PCDH7: variants seen among roughly 807,000 people sequenced by gnomAD.
PCDH7 encodes protocadherin 7, also known as protocadherin-7.
In PCDH7, 17 loss-of-function variants were observed where a neutral mutation model predicts 58.9. That is an observed-to-expected ratio of 0.29 (90% CI 0.20 to 0.43). PCDH7 has a LOEUF of 0.43. Among genes scored for constraint, PCDH7 ranks in the 20% least tolerant of loss-of-function variants. The probability of loss-of-function intolerance (pLI) is 1.00; values close to 1 mark genes in which losing one functional copy is unlikely to be tolerated. For missense variants in PCDH7, 1,274 were observed against 1,441.0 expected (o/e 0.88, Z 1.88); for synonymous variants, 664 against 616.4 (o/e 1.08, Z -1.14).
At chr4:30,807,253 T>G (rs2109310626) in intron 1 of PCDH7, among the ~76,000 whole-genome samples, 1 of 152,350 alleles carries the variant, frequency 6.6e-6, no homozygotes, top group South Asian at 2.1e-4. Flanking sequence ...GGTTAATATA[T>G]CAGAAGATTC....
Position 30,721,443 on chromosome 4 carries a change from G to T in PCDH7, c.21G>T (p.Ala7=). The change falls in exon 1 of 2, where the codon GCG becomes GCT. Residue 7 remains alanine, a synonymous_variant. Transcript: ENST00000361762. This position sits in a 1 kb window ranked among gnomAD's most constrained non-coding sequence, Gnocchi z 6.7. ...AGAAGATGCTGAGGATGCGGACCGC[G>T]GGATGGGCGCGCGGCTGGTGCTTGG... 6.5e-7 allele frequency: 1 copy of T among 1,533,946 alleles called. No homozygotes were observed. Among genetic ancestry groups the T allele is most frequent in the Non-Finnish European group, 8.7e-7 (1 of 1,143,976 alleles).
chr4:31,066,320 A>G (rs1177652993), intron 3 of PCDH7, among the ~76,000 whole-genome samples: 1 of 151,996 alleles, frequency 6.6e-6, no homozygotes, highest in East Asian at 1.9e-4. Flanking sequence ...TAATATGAGG[A>G]GTCTTATAAT....
intron 2 of PCDH7, among the ~76,000 whole-genome samples, chr4:30,930,600 G>C (rs1433498687): frequency 6.6e-6 from 1 of 152,126 alleles, no homozygotes; most frequent in Non-Finnish European, 1.5e-5. Flanking sequence ...GAATAAGGGA[G>C]AAGTAAGTTT....
At chr4:30,938,461 C>T (rs1745616581) in intron 2 of PCDH7, among the ~76,000 whole-genome samples, 1 of 147,722 alleles carries the variant, frequency 6.8e-6, no homozygotes, top group Non-Finnish European at 1.5e-5. Context: ...TGAACTGGCA[C>T]TGCTCACTGG....
At chr4:30,944,947 CAATT>C (rs1158072079) in intron 2 of PCDH7, among the ~76,000 whole-genome samples, 1 of 151,942 alleles carries the variant, frequency 6.6e-6, no homozygotes, top group African/African-American at 2.4e-5. Context: ...AATTTGAAAT[CAATT>C]AAGCAAAATA....
intron 2 of PCDH7, among the ~76,000 whole-genome samples, chr4:30,939,313 T>C (rs1252280531): frequency 6.6e-6 from 1 of 152,140 alleles, no homozygotes; most frequent in Non-Finnish European, 1.5e-5. Flanking sequence ...GCACTTTCTC[T>C]CAGCACTGGA....
intron 1 of PCDH7, among the ~76,000 whole-genome samples, chr4:30,832,972 G>C (rs1288439574): frequency 2.0e-5 from 3 of 152,182 alleles, no homozygotes; most frequent in African/African-American, 7.2e-5. Context: ...GTAGCAGAAA[G>C]GTGGAAGCCT....
chr4:30,994,856 T>C (rs1051308824), intron 3 of PCDH7, among the ~76,000 whole-genome samples: 1 of 152,162 alleles, frequency 6.6e-6, no homozygotes, highest in Non-Finnish European at 1.5e-5. Context: ...CTATATAAAA[T>C]CTGGGCTGTT....
chr4:30,799,727 T>A (rs1019849714), intron 1 of PCDH7, among the ~76,000 whole-genome samples: 1 of 152,216 alleles, frequency 6.6e-6, no homozygotes, highest in African/African-American at 2.4e-5. Context: ...GTTTTCTTTT[T>A]AAAATTCACT....
Position 30,738,501 on chromosome 4 carries a change from A to G in PCDH7, c.70+13905A>G, listed in dbSNP as rs554011562. Among the ~76,000 whole-genome samples the G allele has an allele frequency of 1.4e-4, 22 of 152,276 alleles. No individual in the cohort carries two copies. In the East Asian group the frequency reaches 3.7e-3, roughly 25 times the overall value. ...TAAAATACATTGTTTAGCTTACTAT[A>G]TCTAACTTATTAGGCACATCACTGA... On this transcript the variant is annotated intron_variant, in intron 1 of 3. Coordinates refer to the PCDH7 transcript ENST00000509759.
chr4:31,101,590 A>G (rs115944682), intron 3 of PCDH7, among the ~76,000 whole-genome samples: 2,416 of 152,308 alleles, frequency 0.016, 59 homozygotes, highest in African/African-American at 0.055. Context: ...TGGAAAACCT[A>G]CTACTCTCTG....
chr4:31,136,376 A>G (rs1719606071), intron 3 of PCDH7, among the ~76,000 whole-genome samples: 1 of 152,184 alleles, frequency 6.6e-6, no homozygotes, highest in Non-Finnish European at 1.5e-5. Flanking sequence ...CACAGCTTCT[A>G]CGTGGTTGAG....
chr4:30,975,908 T>A (rs1750025201), intron 3 of PCDH7, among the ~76,000 whole-genome samples: 1 of 152,184 alleles, frequency 6.6e-6, no homozygotes, highest in South Asian at 2.1e-4. Context: ...TTCCATTATG[T>A]CCTTCAATAT....
chr4:30,805,595 A>G (rs1560388267), intron 1 of PCDH7, among the ~76,000 whole-genome samples: 2 of 152,302 alleles, frequency 1.3e-5, no homozygotes, highest in East Asian at 3.9e-4. Context: ...TTCCCTCTCA[A>G]ATATTCTAGT....
chr4:31,068,817 T>C (rs973786220), intron 3 of PCDH7, among the ~76,000 whole-genome samples: 5 of 151,994 alleles, frequency 3.3e-5, no homozygotes, highest in African/African-American at 1.2e-4. Context: ...GTTCCAGGGA[T>C]AGATTATAAA....
chr4:30,756,138 A>C (rs1022583083), intron 1 of PCDH7, among the ~76,000 whole-genome samples: 6 of 152,056 alleles, frequency 3.9e-5, no homozygotes, highest in African/African-American at 1.2e-4. Context: ...GGAAACATGC[A>C]CCTGTGAGGA....
intron 3 of PCDH7, among the ~76,000 whole-genome samples, chr4:30,960,420 C>T (rs183523451): frequency 2.6e-4 from 39 of 152,236 alleles, no homozygotes; most frequent in Non-Finnish European, 1.2e-4. Flanking sequence ...GAGCAAAATG[C>T]TACCCTGTTT....
At chr4:30,848,859 A>G (rs1732341019) in intron 1 of PCDH7, among the ~76,000 whole-genome samples, 1 of 152,074 alleles carries the variant, frequency 6.6e-6, no homozygotes, top group Admixed American at 6.6e-5. Flanking sequence ...TAGGTGATCA[A>G]CTGGCCCTGA....
At chr4:30,960,027 T>G (rs1322396777) in intron 3 of PCDH7, among the ~76,000 whole-genome samples, 1 of 151,070 alleles carries the variant, frequency 6.6e-6, no homozygotes, top group African/African-American at 2.4e-5. Flanking sequence ...TAACCTACAT[T>G]AGGTTCCCAA....
Sources: allele counts gnomAD v4.1 joint callset (sites outside exome capture counted in the v4.1 genomes callset), GRCh38; gene constraint gnomAD v4.1.1; non-coding constraint Gnocchi (gnomAD v3.1); transcripts MANE v1.5; gene names NCBI Gene and HGNC (gene_info 2026-07-23, HGNC 2026-07-21).